FBXO42: variants seen among roughly 807,000 people sequenced by gnomAD.
The protein encoded by FBXO42 is F-box only protein 42.
Under a neutral mutation model 71.7 loss-of-function variants are expected in FBXO42, and 12 were observed. The ratio of observed to expected loss-of-function variants is 0.17; its 90% CI spans 0.11 to 0.27. FBXO42 has a LOEUF of 0.27. Among genes scored for constraint, FBXO42 ranks in the 10% least tolerant of loss-of-function variants. The pLI is 1.00. For synonymous variants in FBXO42, 325 were observed against 327.5 expected (o/e 0.99, Z 0.08); for missense variants, 707 against 911.9 (o/e 0.78, Z 2.89).
intron 3 of FBXO42, among the ~76,000 whole-genome samples, chr1:16,300,893 CTT>C (rs34549210): frequency 0.016 from 1,575 of 100,708 alleles, 10 homozygotes; most frequent in African/African-American, 0.059. Flanking sequence ...TAGAATTGGC[CTT>C]TTTTTTTTTT....
At chr1:16,303,024 A>G (rs534350541) in intron 3 of FBXO42, among the ~76,000 whole-genome samples, 41 of 152,330 alleles carry the variant, frequency 2.7e-4, no homozygotes, top group African/African-American at 9.4e-4. Flanking sequence ...GTTCGAGACC[A>G]GTCTGGACAA....
intron 3 of FBXO42, among the ~76,000 whole-genome samples, chr1:16,305,550 C>CA (rs2082240650): frequency 6.6e-6 from 1 of 152,030 alleles, no homozygotes; most frequent in Non-Finnish European, 1.5e-5. Flanking sequence ...CCCATCTCTA[C>CA]AAAAAATACA....
intron 4 of FBXO42, among the ~76,000 whole-genome samples, chr1:16,269,013 G>C (rs1395432521): frequency 2.6e-5 from 4 of 151,712 alleles, no homozygotes; most frequent in Non-Finnish European, 5.9e-5. Flanking sequence ...GTTTCACCAT[G>C]TTGGCCAGGC....
chr1:16,248,761 T>C lies in FBXO42; in HGVS notation c.*1909A>G, dbSNP rs901194298. On this transcript the variant is annotated 3_prime_UTR_variant, in exon 10 of 10. Coordinates refer to ENST00000375592, the MANE Select transcript of FBXO42 (RefSeq NM_018994.3). ...CAGAGCCTGAGTCGCGAAAGGGAAGTGTGGAGCTCCAAGCAGTTGGATGCC... is the reference window on the plus strand; with the variant it reads ...CAGAGCCTGAGTCGCGAAAGGGAAGCGTGGAGCTCCAAGCAGTTGGATGCC... The C allele has an allele frequency of 6.6e-6, 1 of 152,242 alleles. No individual in the cohort carries two copies. The highest frequency in any genetic ancestry group is 1.5e-5 in the Non-Finnish European group (1 of 68,056). The allele number at this position is 152,242 out of a possible 1,614,324, so 9.4% of individuals were successfully genotyped here. A position where few individuals can be genotyped will look rare whatever the true frequency, so the allele number is the denominator to read the frequency against.
intron 4 of FBXO42, among the ~76,000 whole-genome samples, chr1:16,263,551 G>A (rs1198785054): frequency 6.6e-6 from 1 of 151,454 alleles, no homozygotes; most frequent in East Asian, 2.0e-4. Flanking sequence ...GTGAAGCCCC[G>A]TCTCTACTAA....
intron 4 of FBXO42, chr1:16,293,403 G>C (rs938951078): frequency 6.6e-6 from 1 of 152,384 alleles, no homozygotes; most frequent in Non-Finnish European, 1.5e-5. Context: ...TTACAGGCGT[G>C]AGCCAGTGGG....
In FBXO42 at chr1:16,252,229, A is replaced by G; in HGVS notation, c.1038+59T>C. ...AATTTCTTTGTAACCTGACAAAGTAATGTGGTTTTCCACAATTTAGGACCT... is the reference window on the plus strand; with the variant it reads ...AATTTCTTTGTAACCTGACAAAGTAGTGTGGTTTTCCACAATTTAGGACCT... On this transcript the variant is annotated intron_variant, in intron 9 of 9. Coordinates refer to ENST00000375592, the MANE Select transcript of FBXO42 (RefSeq NM_018994.3). The surrounding 1 kb of genome is among the most constrained non-coding windows in gnomAD (Gnocchi z 4.4). The G allele has an allele frequency of 7.9e-7, 1 of 1,272,956 alleles. No individual in the cohort carries two copies. The highest frequency in any genetic ancestry group is 1.1e-6 in the Non-Finnish European group (1 of 877,764). 78.9% of individuals were successfully genotyped at this position (1,272,956 alleles called of 1,614,324 possible).
At chr1:16,350,820 G>C (rs144026578) in intron 1 of FBXO42, among the ~76,000 whole-genome samples, 1 of 141,462 alleles carries the variant, frequency 7.1e-6, no homozygotes, top group East Asian at 2.1e-4. Context: ...AACCTAAACA[G>C]TTGTCATTTT....
intron 1 of FBXO42, among the ~76,000 whole-genome samples, 176 bp from the exon 2 acceptor site, chr1:16,315,611 A>G (rs2082356116): frequency 6.6e-6 from 1 of 152,156 alleles, no homozygotes; most frequent in Non-Finnish European, 1.5e-5. Context: ...CAGCTCAAAT[A>G]CCAAGCCCAT....
chr1:16,350,757 A>AGAAAAGAAAAGAAAG (rs1553156684), intron 1 of FBXO42, among the ~76,000 whole-genome samples: 22 of 44,268 alleles, frequency 5.0e-4, no homozygotes, highest in Admixed American at 7.7e-4. Context: ...AAAAAAAAAA[A>AGAAAAGAAAAGAAAG]AAAGAAAGAA....
chr1:16,283,491 C>T (rs903690335), intron 4 of FBXO42, among the ~76,000 whole-genome samples: 1 of 73,970 alleles, frequency 1.4e-5, no homozygotes, highest in African/African-American at 4.0e-5. Flanking sequence ...CTAACTGTGG[C>T]AAGTTTTTTT....
At chr1:16,262,166 T>TA (rs1354905408) in intron 4 of FBXO42, among the ~76,000 whole-genome samples, 2 of 152,206 alleles carry the variant, frequency 1.3e-5, no homozygotes, top group African/African-American at 4.8e-5. Context: ...AAAATCTACA[T>TA]ATTTCATATA....
chr1:16,287,893 GAAA>G (rs2082038454), intron 4 of FBXO42, among the ~76,000 whole-genome samples: 1 of 152,104 alleles, frequency 6.6e-6, no homozygotes, highest in East Asian at 1.9e-4. Flanking sequence ...CTCAGGTGAT[GAAA>G]CCCTGTCTCT....
At chr1:16,302,954 G>A (rs890905378) in intron 3 of FBXO42, among the ~76,000 whole-genome samples, 1 of 152,190 alleles carries the variant, frequency 6.6e-6, no homozygotes, top group African/African-American at 2.4e-5. Flanking sequence ...GAGGAGATGA[G>A]ATTTGGGTGG....
At chr1:16,255,929 G>C (rs562664606) in intron 5 of FBXO42, 108 bp from the exon 6 acceptor site, 71 of 741,836 alleles carry the variant, frequency 9.6e-5, no homozygotes, top group African/African-American at 9.2e-4. Flanking sequence ...TTTCAGCAGA[G>C]ATTTGTTGGG....
intron 2 of FBXO42, among the ~76,000 whole-genome samples, chr1:16,314,061 C>A (rs965785924): frequency 6.6e-6 from 1 of 152,178 alleles, no homozygotes; most frequent in African/African-American, 2.4e-5. Flanking sequence ...TCAAGCAATT[C>A]TCTTGCCTCA....
At chr1:16,276,278 G>C (rs1022211811) in intron 4 of FBXO42, among the ~76,000 whole-genome samples, 1 of 151,710 alleles carries the variant, frequency 6.6e-6, no homozygotes, top group African/African-American at 2.4e-5. Flanking sequence ...TATTCGGGAG[G>C]CTGAGGCAGG....
In FBXO42 at chr1:16,310,269, G is replaced by A. The variant is rs530229986; in HGVS notation, c.251-4350C>T. On this transcript the variant is annotated intron_variant, in intron 2 of 9. Transcript: ENST00000375592. ...CCAGCTACTTGGGAGGTGGAAGCAGGAGAATTCCTTGAACCCAGGAGGTGG... is the reference window on the plus strand; with the variant it reads ...CCAGCTACTTGGGAGGTGGAAGCAGAAGAATTCCTTGAACCCAGGAGGTGG... 3.3e-5 allele frequency among the ~76,000 whole-genome samples: 5 copies of A among 152,054 alleles called. No homozygotes were observed. The South Asian group carries it at 8.3e-4, about 25-fold the overall frequency.
At position 16,335,063 on chromosome 1, in the gene FBXO42, CA is replaced by C. The variant is rs55983316; in HGVS notation, c.-18+17191del. 6.5e-3 allele frequency among the ~76,000 whole-genome samples: 447 copies of C among 68,958 alleles called. 3 individuals are homozygous for C. The highest frequency in any genetic ancestry group is 0.025 in the African/African-American group (403 of 16,324). The allele number at this position is 68,958 out of a possible 152,430, so 45.2% of individuals were successfully genotyped here. Reference sequence around the variant, plus strand: ...GCAACACAGCAAAACCTCGTCTGTACAAAAAAAAAAAAAAAAAAAAAAAAAA... The same window carrying C: ...GCAACACAGCAAAACCTCGTCTGTACAAAAAAAAAAAAAAAAAAAAAAAAA... On this transcript the variant is annotated intron_variant, in intron 1 of 9. Transcript: ENST00000375592.
Sources: allele counts gnomAD v4.1 joint callset (sites outside exome capture counted in the v4.1 genomes callset), GRCh38; gene constraint gnomAD v4.1.1; non-coding constraint Gnocchi (gnomAD v3.1); transcripts MANE v1.5; gene names NCBI Gene and HGNC (gene_info 2026-07-23, HGNC 2026-07-21).